The following LPA variants were observed in gnomAD, a reference collection of about 807,000 sequenced individuals.
The protein encoded by LPA is apolipoprotein(a).
LPA carries 199 observed loss-of-function variants against 197.9 expected under a neutral mutation model. That is an observed-to-expected ratio of 1.01 (90% confidence interval 0.90 to 1.13). The LOEUF (loss-of-function observed/expected upper bound fraction) is 1.13, where lower values mean the gene tolerates loss of function less well. Among genes scored for constraint, LPA ranks in the 50% most tolerant of loss-of-function variants. The probability of loss-of-function intolerance (pLI) is 0.00; values close to 1 mark genes in which losing one functional copy is unlikely to be tolerated. For missense variants in LPA, 1,853 were observed against 1,785.8 expected (o/e 1.04, Z -0.68); for synonymous variants, 715 against 639.5 (o/e 1.12, Z -1.78).
chr6:160,592,886 T>A (rs1255770198), intron 22 of LPA, among the ~76,000 whole-genome samples: 2 of 152,222 alleles, frequency 1.3e-5, no homozygotes, highest in African/African-American at 4.8e-5. Flanking sequence ...TGGTCAGAAC[T>A]CAAATATCCC....
At chr6:160,589,342 C>T (rs1009971783) in intron 24 of LPA, among the ~76,000 whole-genome samples, 4 of 152,194 alleles carry the variant, frequency 2.6e-5, no homozygotes, top group African/African-American at 9.7e-5. Context: ...TCCAAGTATC[C>T]TCCTACTTCT....
intron 22 of LPA, 45 bp downstream of exon 22, chr6:160,593,913 G>A (rs1562336010): frequency 1.2e-6 from 2 of 1,609,676 alleles, no homozygotes; most frequent in South Asian, 1.1e-5. Context: ...CAAGAGAAAT[G>A]TAAGGGGGCT....
intron 2 of LPA, among the ~76,000 whole-genome samples, chr6:160,648,745 T>A (rs1390276446): frequency 6.6e-6 from 1 of 152,206 alleles, no homozygotes; most frequent in Non-Finnish European, 1.5e-5. Context: ...CTCTTAGTAG[T>A]TCTTCGATTT....
intron 1 of LPA, among the ~76,000 whole-genome samples, chr6:160,657,394 ATAAC>A: frequency 7.6e-6 from 1 of 131,324 alleles, no homozygotes; most frequent in African/African-American, 3.0e-5. Context: ...ATAAACTATT[ATAAC>A]TTTTTTTTTT....
At chr6:160,532,433 A>C in intron 38 of LPA, 98 bp downstream of exon 38, 1 of 942,884 alleles carries the variant, frequency 1.1e-6, no homozygotes, top group East Asian at 2.4e-5. Context: ...TCTTCCACTG[A>C]CAAAACCTTC....
intron 1 of LPA, among the ~76,000 whole-genome samples, chr6:160,660,042 A>G (rs76027460): frequency 0.076 from 9,103 of 120,070 alleles, no homozygotes; most frequent in African/African-American, 0.16. Flanking sequence ...ATTGCAAATC[A>G]TTATTAAGAA....
intron 7 of LPA, 133 bp downstream of exon 7, chr6:160,634,990 T>A (rs1779781722): frequency 6.6e-7 from 1 of 1,504,514 alleles, no homozygotes; most frequent in Non-Finnish European, 9.1e-7. Flanking sequence ...CACGGAGGCT[T>A]CCCCCAACAT....
chr6:160,610,046 T>C (rs544536943), intron 16 of LPA, among the ~76,000 whole-genome samples: 1 of 152,306 alleles, frequency 6.6e-6, no homozygotes, highest in East Asian at 1.9e-4. Context: ...TTTTTAAATA[T>C]CTGAAATCAG....
intron 27 of LPA, among the ~76,000 whole-genome samples, chr6:160,578,181 G>T (rs907898662): frequency 1.3e-5 from 2 of 152,090 alleles, no homozygotes; most frequent in Non-Finnish European, 2.9e-5. Flanking sequence ...CACTGGAAAG[G>T]CTTATTGGCT....
At chr6:160,580,430 G>T (rs1237975106) in intron 26 of LPA, among the ~76,000 whole-genome samples, 1 of 152,130 alleles carries the variant, frequency 6.6e-6, no homozygotes, top group Non-Finnish European at 1.5e-5. Context: ...TTCAAGAATA[G>T]AATTACAGGT....
In LPA at chr6:160,542,831, A is replaced by C. The variant is rs562447213; in HGVS notation, c.5399-23T>G. On this transcript the variant is annotated intron_variant, in intron 33 of 38. Transcript: ENST00000316300. ...ATGCTGTGGCACAAGGTGGGAAAAG[A>C]AGTCGCATTTGAGTCCAAGTTAGCA... is the stretch of plus-strand genomic sequence containing the variant. The C allele has an allele frequency of 9.3e-6, 15 of 1,613,762 alleles. No homozygotes were observed. In the South Asian group the frequency reaches 1.1e-4, roughly 12 times the overall value.
At chr6:160,558,173 C>T (rs1230471210) in intron 28 of LPA, among the ~76,000 whole-genome samples, 1 of 152,134 alleles carries the variant, frequency 6.6e-6, no homozygotes, top group African/African-American at 2.4e-5. Context: ...CCCACCTCGG[C>T]CTCCCAAAGT....
At chr6:160,605,234 G>A in intron 17 of LPA, 29 bp from the exon 18 acceptor site, 2 of 1,610,940 alleles carry the variant, frequency 1.2e-6, no homozygotes, top group Non-Finnish European at 8.5e-7. Context: ...AAATCAAACT[G>A]AGTGTTTCCA....
intron 27 of LPA, among the ~76,000 whole-genome samples, chr6:160,578,290 C>T (rs535820539): frequency 6.6e-6 from 1 of 152,180 alleles, no homozygotes; most frequent in East Asian, 1.9e-4. Flanking sequence ...AAGTCCAGTG[C>T]CCTGGCGGGT....
At chr6:160,653,615 A>G (rs1780044751) in intron 1 of LPA, among the ~76,000 whole-genome samples, 1 of 151,974 alleles carries the variant, frequency 6.6e-6, no homozygotes, top group South Asian at 2.1e-4. Flanking sequence ...AAGAGCTGAT[A>G]TCAAGCCTCC....
At chr6:160,561,165 TC>T (rs1778355290) in intron 28 of LPA, among the ~76,000 whole-genome samples, 1 of 152,112 alleles carries the variant, frequency 6.6e-6, no homozygotes, top group Non-Finnish European at 1.5e-5. Context: ...CACCTCGGCC[TC>T]CCAAAGTGTC....
chr6:160,664,035 T>C (rs934007938), intron 1 of LPA, 131 bp downstream of exon 1: 36 of 1,231,766 alleles, frequency 2.9e-5, no homozygotes, highest in Non-Finnish European at 3.8e-5. Flanking sequence ...TTCAATCATA[T>C]ACAAGATTTT....
intron 28 of LPA, among the ~76,000 whole-genome samples, chr6:160,569,270 G>A (rs2115022736): frequency 6.6e-6 from 1 of 152,198 alleles, no homozygotes; most frequent in South Asian, 2.1e-4. Flanking sequence ...CATGGTACTG[G>A]TACCAAAACA....
intron 26 of LPA, 38 bp downstream of exon 26, chr6:160,585,008 G>C: frequency 6.2e-7 from 1 of 1,609,272 alleles, no homozygotes; most frequent in East Asian, 2.2e-5. Flanking sequence ...AATTTTAGTT[G>C]ACTATTGTTC....
Sources: allele counts gnomAD v4.1 joint callset (sites outside exome capture counted in the v4.1 genomes callset), GRCh38; gene constraint gnomAD v4.1.1; transcripts MANE v1.5; gene names NCBI Gene and HGNC (gene_info 2026-07-23, HGNC 2026-07-21).